Variants in AGBL1 observed in about 807,000 individuals in gnomAD.
The protein encoded by AGBL1 is AGBL carboxypeptidase 1, also known as cytosolic carboxypeptidase 4.
Under a neutral mutation model 118.9 loss-of-function variants are expected in AGBL1, and 130 were observed. The observed-to-expected ratio is 1.09, with a 90% CI of 0.95 to 1.26. The LOEUF (loss-of-function observed/expected upper bound fraction) is 1.26, where lower values mean the gene tolerates loss of function less well. Among genes scored for constraint, AGBL1 ranks in the 50% most tolerant of loss-of-function variants. AGBL1 has a pLI of 0.00. For synonymous variants in AGBL1, 555 were observed against 478.9 expected (o/e 1.16, Z -2.08); for missense variants, 1,584 against 1,298.1 (o/e 1.22, Z -3.38).
chr15:86,715,627 G>A (rs186134049), intron 22 of AGBL1, among the ~76,000 whole-genome samples: 1 of 152,256 alleles, frequency 6.6e-6, no homozygotes, highest in Non-Finnish European at 1.5e-5. Context: ...AGATAGCTTG[G>A]TGGATCTGTT....
chr15:86,990,433 G>T (rs528112007), intron 24 of AGBL1, among the ~76,000 whole-genome samples: 1 of 152,128 alleles, frequency 6.6e-6, no homozygotes, highest in East Asian at 1.9e-4. Context: ...AGAATTGCTT[G>T]AACCCAGGGG....
rs374107387 is a variant in AGBL1 at position 86,877,447 on chromosome 15, C to T, written c.3159-29640C>T. Among the ~76,000 whole-genome samples the T allele has an allele frequency of 1.9e-4, 29 of 152,270 alleles. 1 individual carries two copies. In the South Asian group the frequency reaches 2.9e-3, roughly 15 times the overall value. ...CTTCTGGAGGATATTAAGTTGTGTT[C>T]TTGGAGATGAGAGGATGAACTCAGT... On this transcript the variant is annotated intron_variant, in intron 22 of 22. Coordinates refer to ENST00000614907, the MANE Select transcript of AGBL1 (RefSeq NM_001386094.1).
intron 5 of AGBL1, among the ~76,000 whole-genome samples, chr15:86,176,648 G>A (rs936841879): frequency 7.2e-5 from 11 of 152,196 alleles, no homozygotes; most frequent in African/African-American, 2.7e-4. Flanking sequence ...TGGAAATTCA[G>A]GGGCTGTTGG....
chr15:86,352,894 C>T (rs756935723), intron 17 of AGBL1, among the ~76,000 whole-genome samples: 5 of 152,160 alleles, frequency 3.3e-5, no homozygotes, highest in Non-Finnish European at 5.9e-5. Context: ...TTATGACAAC[C>T]TCTTAAGTTG....
At chr15:86,146,813 G>C (rs1387253967) in intron 3 of AGBL1, among the ~76,000 whole-genome samples, 1 of 152,164 alleles carries the variant, frequency 6.6e-6, no homozygotes, top group Non-Finnish European at 1.5e-5. Flanking sequence ...CTGATGAAGG[G>C]AATGGGTTAT....
chr15:86,682,612 TAACAG>T (rs1489454024), intron 22 of AGBL1, among the ~76,000 whole-genome samples: 1 of 152,046 alleles, frequency 6.6e-6, no homozygotes, highest in East Asian at 1.9e-4. Context: ...ACAATAAACA[TAACAG>T]AAAAGAATAT....
intron 22 of AGBL1, among the ~76,000 whole-genome samples, chr15:86,862,686 C>T (rs2079575095): frequency 6.6e-6 from 1 of 152,198 alleles, no homozygotes; most frequent in Admixed American, 6.5e-5. Flanking sequence ...CGCCATTGCA[C>T]TCCAGCCTGG....
At chr15:86,930,094 TA>T (rs57885861) in intron 23 of AGBL1, among the ~76,000 whole-genome samples, 5,914 of 152,186 alleles carry the variant, frequency 0.039, 156 homozygotes, top group Middle Eastern at 0.071. Flanking sequence ...AGATACTACT[TA>T]AAAGGGCACA....
chr15:86,984,260 C>CT (rs1215274606), intron 23 of AGBL1, among the ~76,000 whole-genome samples: 1 of 151,622 alleles, frequency 6.6e-6, no homozygotes, highest in Non-Finnish European at 1.5e-5. Flanking sequence ...TGTTGAATAT[C>CT]TTTTTATGTA....
chr15:86,500,880 A>G (rs931235005), intron 18 of AGBL1, among the ~76,000 whole-genome samples: 3 of 151,652 alleles, frequency 2.0e-5, no homozygotes, highest in Non-Finnish European at 4.4e-5. Context: ...GGGATACCAC[A>G]TTTGTTATTC....
At chr15:86,877,511 G>C (rs1025602086) in intron 22 of AGBL1, among the ~76,000 whole-genome samples, 1 of 152,128 alleles carries the variant, frequency 6.6e-6, no homozygotes, top group Non-Finnish European at 1.5e-5. Context: ...AAGGATACTT[G>C]GAATCTCTCC....
intron 15 of AGBL1, among the ~76,000 whole-genome samples, chr15:86,278,460 C>T (rs1035010222): frequency 5.6e-5 from 7 of 124,772 alleles, no homozygotes; most frequent in East Asian, 2.1e-4. Flanking sequence ...TGAAAAGCCA[C>T]AAAACCATGA....
intron 22 of AGBL1, among the ~76,000 whole-genome samples, chr15:86,842,196 T>C (rs927247533): frequency 6.6e-6 from 1 of 150,630 alleles, no homozygotes; most frequent in African/African-American, 2.4e-5. Context: ...AGGAAGGGCA[T>C]GAGTCCTCAG....
At chr15:86,184,440 T>C (rs556794425) in intron 5 of AGBL1, among the ~76,000 whole-genome samples, 185 of 151,654 alleles carry the variant, frequency 1.2e-3, no homozygotes, top group Non-Finnish European at 2.2e-3. Flanking sequence ...TTTCTTTTTT[T>C]TTTTTTTTGT....
chr15:86,331,214 A>T lies in AGBL1; in HGVS notation c.2374+35806A>T, dbSNP rs535906111. Reference sequence around the variant, plus strand: ...ACTCCAGCCTGGGTGACAGAGTGAGACTCCATCTCAAAAAAAAAAAAAAAA... The same window carrying T: ...ACTCCAGCCTGGGTGACAGAGTGAGTCTCCATCTCAAAAAAAAAAAAAAAA... On this transcript the variant is annotated intron_variant, in intron 17 of 22. Transcript: ENST00000614907. 2.5e-3 allele frequency among the ~76,000 whole-genome samples: 318 copies of T among 126,090 alleles called. 3 individuals are homozygous for T. Among genetic ancestry groups the T allele is most frequent in the Non-Finnish European group, 4.3e-3 (250 of 58,290 alleles). 82.7% of individuals were successfully genotyped at this position (126,090 alleles called of 152,430 possible).
At chr15:86,588,297 GGTCTT>G (rs2084282381) in intron 21 of AGBL1, among the ~76,000 whole-genome samples, 2 of 152,170 alleles carry the variant, frequency 1.3e-5, no homozygotes, top group Non-Finnish European at 2.9e-5. Context: ...ATCACCTACA[GGTCTT>G]ATCAAAGACC....
intron 1 of AGBL1, among the ~76,000 whole-genome samples, chr15:86,123,180 G>C (rs1354038666): frequency 6.6e-6 from 1 of 152,116 alleles, no homozygotes; most frequent in African/African-American, 2.4e-5. Flanking sequence ...TCTGAAGCCT[G>C]CTGCATAGAG....
At position 86,361,470 on chromosome 15, in the gene AGBL1, G is replaced by A. The variant is rs541756924; in HGVS notation, c.2375-35896G>A. 1.6e-4 allele frequency among the ~76,000 whole-genome samples: 24 copies of A among 152,138 alleles called. No homozygotes were observed. In the South Asian group the frequency reaches 2.5e-3, roughly 16 times the overall value. On this transcript the variant is annotated intron_variant, in intron 17 of 22. Coordinates refer to ENST00000614907, the MANE Select transcript of AGBL1 (RefSeq NM_001386094.1). The stretch of plus-strand genomic sequence containing the variant: ...TATTTCTGTTAGGTTCATTCAGTCC[G>A]TAGAGCTGTTCAGTTCTGCTTTTTC...
intron 7 of AGBL1, among the ~76,000 whole-genome samples, chr15:86,253,025 G>C (rs2078840818): frequency 6.6e-6 from 1 of 152,124 alleles, no homozygotes. Flanking sequence ...AGTGCCATGA[G>C]GGTCTGGAGA....
Sources: allele counts gnomAD v4.1 joint callset (sites outside exome capture counted in the v4.1 genomes callset), GRCh38; gene constraint gnomAD v4.1.1; transcripts MANE v1.5; gene names NCBI Gene and HGNC (gene_info 2026-07-23, HGNC 2026-07-21).